The following SPINK4 variants were observed in gnomAD, a reference collection of about 807,000 sequenced individuals.
The protein encoded by SPINK4 is serine peptidase inhibitor Kazal type 4, also known as serine protease inhibitor Kazal-type 4.
SPINK4 carries 10 observed loss-of-function variants against 12.3 expected under a neutral mutation model. The observed-to-expected ratio is 0.81, with a 90% CI of 0.50 to 1.37. SPINK4 has a LOEUF of 1.37. Ranked by LOEUF, SPINK4 falls within the 40% of genes most tolerant of loss-of-function variation. SPINK4 has a pLI of 0.00. For synonymous variants in SPINK4, 37 were observed against 40.2 expected (o/e 0.92, Z 0.30); for missense variants, 91 against 109.0 (o/e 0.84, Z 0.73).
At chr9:33,242,080 A>T (rs1820240954) in intron 1 of SPINK4, among the ~76,000 whole-genome samples, 1 of 152,122 alleles carries the variant, frequency 6.6e-6, no homozygotes, top group South Asian at 2.1e-4. Context: ...GAGTTTCACC[A>T]TGTTGGCCAG....
At chr9:33,242,553 T>TAC (rs1820247934) in intron 1 of SPINK4, among the ~76,000 whole-genome samples, 1 of 151,940 alleles carries the variant, frequency 6.6e-6, no homozygotes, top group South Asian at 2.1e-4. Flanking sequence ...AAGTTTAGGG[T>TAC]CAGCTTACGC....
At chr9:33,243,598 G>A (rs1820260069) in intron 1 of SPINK4, among the ~76,000 whole-genome samples, 1 of 152,158 alleles carries the variant, frequency 6.6e-6, no homozygotes. Context: ...ATTCAGCCAC[G>A]TTATTGCATG....
chr9:33,247,707 A>G (rs577805038), intron 3 of SPINK4: 1 of 152,606 alleles, frequency 6.6e-6, no homozygotes, highest in Non-Finnish European at 1.5e-5. Context: ...TGACCTCCCT[A>G]CATCAGATCA....
intron 1 of SPINK4, among the ~76,000 whole-genome samples, chr9:33,243,605 C>A (rs956414504): frequency 1.3e-5 from 2 of 152,130 alleles, no homozygotes; most frequent in African/African-American, 4.8e-5. Context: ...CACGTTATTG[C>A]ATGTATCAGT....
chr9:33,241,916 G>T (rs2117870279), intron 1 of SPINK4, among the ~76,000 whole-genome samples: 1 of 149,690 alleles, frequency 6.7e-6, no homozygotes, highest in South Asian at 2.1e-4. Flanking sequence ...GTCTTGCTTT[G>T]TTGCCCAGGC....
chr9:33,244,768 G>A (rs1294066001), intron 1 of SPINK4, among the ~76,000 whole-genome samples: 1 of 152,198 alleles, frequency 6.6e-6, no homozygotes, highest in Non-Finnish European at 1.5e-5. Context: ...TAGGGGTGGA[G>A]AGGAGTTAAA....
intron 3 of SPINK4, 45 bp downstream of exon 3, chr9:33,246,773 T>A (rs758685859): frequency 5.8e-6 from 9 of 1,551,322 alleles, no homozygotes; most frequent in South Asian, 5.6e-5. Flanking sequence ...GGGCCCCATC[T>A]CTGGTGCACA....
chr9:33,247,599 A>C (rs1820299856), intron 3 of SPINK4, among the ~76,000 whole-genome samples: 1 of 152,212 alleles, frequency 6.6e-6, no homozygotes, highest in South Asian at 2.1e-4. Context: ...TTTACATTTG[A>C]GGAAATATAA....
chr9:33,245,055 C>A, intron 1 of SPINK4, 57 bp from the exon 2 acceptor site: 1 of 1,583,892 alleles, frequency 6.3e-7, no homozygotes, highest in South Asian at 1.1e-5. Flanking sequence ...GTCCTCAGAC[C>A]CCTAGACCTG....
chr9:33,245,882 A>T (rs1820280317), intron 2 of SPINK4, among the ~76,000 whole-genome samples: 1 of 152,258 alleles, frequency 6.6e-6, no homozygotes, highest in Admixed American at 6.5e-5. Context: ...ACTGAGACTC[A>T]GAGAGTGGAA....
intron 1 of SPINK4, 63 bp downstream of exon 1, chr9:33,240,332 C>A: frequency 6.7e-7 from 1 of 1,481,992 alleles, no homozygotes. Flanking sequence ...GGGGTGAGAG[C>A]AGAAGCAGGG....
At chr9:33,244,125 C>G (rs552364229) in intron 1 of SPINK4, among the ~76,000 whole-genome samples, 1 of 152,330 alleles carries the variant, frequency 6.6e-6, no homozygotes, top group South Asian at 2.1e-4. Context: ...AACGCCCTTC[C>G]TTCCACCTGT....
At chr9:33,244,457 T>C (rs954648317) in intron 1 of SPINK4, among the ~76,000 whole-genome samples, 2 of 152,214 alleles carry the variant, frequency 1.3e-5, no homozygotes, top group Non-Finnish European at 2.9e-5. Context: ...GGAAGTTGAC[T>C]TCCATGCAGC....
At chr9:33,244,542 G>C (rs1372683643) in intron 1 of SPINK4, among the ~76,000 whole-genome samples, 2 of 152,154 alleles carry the variant, frequency 1.3e-5, no homozygotes, top group African/African-American at 4.8e-5. Context: ...ACATCAACCC[G>C]ACATGGGATA....
chr9:33,245,511 C>G (rs1820276774), intron 2 of SPINK4, among the ~76,000 whole-genome samples: 1 of 152,154 alleles, frequency 6.6e-6, no homozygotes, highest in Non-Finnish European at 1.5e-5. Flanking sequence ...AAGAGGGGAC[C>G]CTGGCACACT....
chr9:33,248,399 C>G, intron 3 of SPINK4, 27 bp from the exon 4 acceptor site: 1 of 1,613,518 alleles, frequency 6.2e-7, no homozygotes, highest in Non-Finnish European at 8.5e-7. Context: ...GAGAAGGTAG[C>G]CTCATGCCTG....
At chr9:33,248,336 C>A in intron 3 of SPINK4, 90 bp from the exon 4 acceptor site, 2 of 1,387,020 alleles carry the variant, frequency 1.4e-6, no homozygotes, top group Non-Finnish European at 2.0e-6. Context: ...CGACGCTCAG[C>A]AGGATGTCTG....
intron 1 of SPINK4, among the ~76,000 whole-genome samples, chr9:33,242,316 C>T (rs909829217): frequency 3.3e-5 from 5 of 151,946 alleles, no homozygotes; most frequent in Non-Finnish European, 4.4e-5. Context: ...AAAGAAGCCT[C>T]CATCCAGATC....
chr9:33,240,736 C>T (rs186332792), intron 1 of SPINK4, among the ~76,000 whole-genome samples: 34 of 152,280 alleles, frequency 2.2e-4, no homozygotes, highest in African/African-American at 7.7e-4. Flanking sequence ...CATGTGAGCA[C>T]GACAGAGCCC....
Sources: gnomAD v4.1 joint callset for allele counts (sites outside exome capture counted in the v4.1 genomes callset) on GRCh38, gnomAD v4.1.1 for gene constraint, MANE v1.5 for transcripts, NCBI Gene and HGNC (gene_info 2026-07-23, HGNC 2026-07-21) for gene names.